Variants in RAB6A observed in about 807,000 individuals in gnomAD.
RAB6A encodes the protein ras-related protein Rab-6A.
In RAB6A, 8 loss-of-function variants were observed where a neutral mutation model predicts 32.3. The observed-to-expected ratio is 0.25, with a 90% CI of 0.15 to 0.45. The LOEUF (loss-of-function observed/expected upper bound fraction) is 0.45, where lower values mean the gene tolerates loss of function less well. RAB6A is among the 20% of genes least tolerant of loss of function. The probability of loss-of-function intolerance (pLI) is 1.00; values close to 1 mark genes in which losing one functional copy is unlikely to be tolerated. For missense variants in RAB6A, 104 were observed against 249.4 expected, an observed-to-expected ratio of 0.42 and a Z score of 3.93; for synonymous variants, 73 against 82.1, an observed-to-expected ratio of 0.89 and a Z score of 0.60.
At chr11:73,686,537 A>G (rs1212807307) in intron 6 of RAB6A, among the ~76,000 whole-genome samples, 1 of 152,146 alleles carries the variant, frequency 6.6e-6, no homozygotes, top group African/African-American at 2.4e-5. Context: ...CCTAGATGAC[A>G]GAGTGAGACT....
At chr11:73,727,029 G>C (rs1946234014) in intron 2 of RAB6A, among the ~76,000 whole-genome samples, 1 of 152,146 alleles carries the variant, frequency 6.6e-6, no homozygotes, top group Admixed American at 6.6e-5. Flanking sequence ...ATGCTGACAG[G>C]TTATAATGAA....
At chr11:73,756,345 C>A (rs781600652) in intron 1 of RAB6A, among the ~76,000 whole-genome samples, 4 of 152,086 alleles carry the variant, frequency 2.6e-5, no homozygotes, top group Non-Finnish European at 5.9e-5. Context: ...CAGAGGTAGA[C>A]CCCGTCTCAA....
chr11:73,710,037 C>T (rs1945925259), intron 5 of RAB6A, among the ~76,000 whole-genome samples: 1 of 148,838 alleles, frequency 6.7e-6, no homozygotes, highest in Non-Finnish European at 1.5e-5. Flanking sequence ...CGGCTCACTG[C>T]AAGCTCCACC....
In RAB6A at chr11:73,679,703, T is replaced by A. The variant is rs1257277405; in HGVS notation, c.513A>T (p.Ala171=). 6.2e-7 allele frequency: 1 copy of A among 1,609,284 alleles called. No homozygotes were observed. Among genetic ancestry groups the A allele is most frequent in the African/African-American group, 1.3e-5 (1 of 74,480 alleles). ...TGCTTTCCATTCCCGGCAAAGCTGC[T>A]GCTACACGTCGAAAGAGCTGTGGGA... The part of the protein sequence containing the change: ...YNVKQLFRRV[A]AALPGMESTQ... The change falls in exon 7 of 8, where the codon GCA becomes GCT. Residue 171 remains alanine, a synonymous_variant. Transcript: ENST00000336083.
At chr11:73,699,483 C>CT (rs1171731489) in intron 6 of RAB6A, among the ~76,000 whole-genome samples, 1 of 151,676 alleles carries the variant, frequency 6.6e-6, no homozygotes, top group Non-Finnish European at 1.5e-5. Flanking sequence ...CAAGTTTTCC[C>CT]TTTTTTGCCA....
intron 1 of RAB6A, among the ~76,000 whole-genome samples, chr11:73,736,821 A>AAC (rs1555066475): frequency 2.1e-5 from 3 of 145,022 alleles, no homozygotes; most frequent in Non-Finnish European, 4.5e-5. Context: ...AAAAAAAAAA[A>AAC]AAAAACAATT....
In RAB6A at chr11:73,718,618, A is replaced by G. The variant is rs769442186; in HGVS notation, c.284T>C (p.Ile95Thr). Residue 95 changes from isoleucine to threonine, a missense_variant, in exon 4 of 8, where the codon ATC becomes ACC. By Grantham distance (89) the Ile-to-Thr change is moderately conservative (BLOSUM62 -1). This residue lies in a region of RAB6A where 48 missense variants were observed against 155.2 expected (regional missense o/e 0.31). Transcript: ENST00000336083. ...GCATAATTCCCTCCACTCACTTGTG[A>G]TATCATAAACAACAACTGCCACAGT... ...DSTVAVVVYD[I>T]TNVNSFQQTT... The G allele has an allele frequency of 2.5e-6, 4 of 1,611,574 alleles. No individual in the cohort carries two copies. The highest frequency in any genetic ancestry group is 3.4e-6 in the Non-Finnish European group (4 of 1,178,484).
chr11:73,716,886 C>T (rs897087884), intron 4 of RAB6A, among the ~76,000 whole-genome samples: 1 of 152,198 alleles, frequency 6.6e-6, no homozygotes, highest in East Asian at 1.9e-4. Context: ...TTTAATGCAT[C>T]AGAAACACTT....
At chr11:73,721,285 C>A (rs1222997828) in intron 2 of RAB6A, among the ~76,000 whole-genome samples, 4 of 152,116 alleles carry the variant, frequency 2.6e-5, no homozygotes, top group Non-Finnish European at 1.5e-5. Context: ...AGTATCTGCC[C>A]CAAGAGCAGT....
intron 1 of RAB6A, among the ~76,000 whole-genome samples, chr11:73,738,904 ACTGCACTCCAGCTTGGG>A (rs1946444572): frequency 6.6e-6 from 1 of 151,970 alleles, no homozygotes; most frequent in Admixed American, 6.6e-5. Context: ...AGACTGCGCC[ACTGCACTCCAGCTTGGG>A]CAACAGAGTG....
intron 2 of RAB6A, among the ~76,000 whole-genome samples, chr11:73,728,752 G>A (rs1340016036): frequency 1.3e-5 from 2 of 151,678 alleles, no homozygotes; most frequent in African/African-American, 4.8e-5. Flanking sequence ...GGGGATATTG[G>A]TCTGTAGTTT....
chr11:73,723,890 T>C (rs549712783), intron 2 of RAB6A, among the ~76,000 whole-genome samples: 1 of 152,296 alleles, frequency 6.6e-6, no homozygotes, highest in East Asian at 1.9e-4. Context: ...AAAATGACTC[T>C]CACCACTCCT....
At chr11:73,757,691 G>C (rs535280712) in intron 1 of RAB6A, among the ~76,000 whole-genome samples, 2 of 152,200 alleles carry the variant, frequency 1.3e-5, no homozygotes, top group Non-Finnish European at 2.9e-5. Context: ...CTAAACGATT[G>C]GTTTCTCTAC....
intron 6 of RAB6A, among the ~76,000 whole-genome samples, chr11:73,694,336 T>C (rs1215114296): frequency 6.6e-6 from 1 of 152,220 alleles, no homozygotes; most frequent in Non-Finnish European, 1.5e-5. Flanking sequence ...TAACCCCATT[T>C]TAAACAAATC....
chr11:73,699,561 C>T (rs535784420), intron 6 of RAB6A, among the ~76,000 whole-genome samples: 2 of 152,326 alleles, frequency 1.3e-5, no homozygotes, highest in South Asian at 2.1e-4. Flanking sequence ...TGAGCCACTG[C>T]GCCTGGCCTT....
chr11:73,735,152 G>A (rs775610923), intron 1 of RAB6A, among the ~76,000 whole-genome samples: 1 of 152,136 alleles, frequency 6.6e-6, no homozygotes, highest in Non-Finnish European at 1.5e-5. Context: ...TCTGCACCAT[G>A]CTAATTACAC....
intron 1 of RAB6A, 143 bp from the exon 2 acceptor site, chr11:73,730,966 C>T (rs1415445347): frequency 1.7e-6 from 1 of 601,668 alleles, no homozygotes; most frequent in Non-Finnish European, 2.9e-6. Context: ...CCATATAGCC[C>T]CAAGATTGTC....
At chr11:73,689,525 C>T (rs149296319) in intron 6 of RAB6A, among the ~76,000 whole-genome samples, 28 of 152,276 alleles carry the variant, frequency 1.8e-4, no homozygotes, top group Non-Finnish European at 3.7e-4. Context: ...TGACCTACAT[C>T]GTAATAACCT....
intron 1 of RAB6A, among the ~76,000 whole-genome samples, chr11:73,751,822 C>A (rs1019819802): frequency 6.6e-6 from 1 of 152,112 alleles, no homozygotes; most frequent in African/African-American, 2.4e-5. Context: ...CTGAGTAATT[C>A]TTCTTCAGGG....
Sources: gnomAD v4.1 joint callset for allele counts (sites outside exome capture counted in the v4.1 genomes callset) on GRCh38, gnomAD v4.1.1 for gene constraint, gnomAD v4.1.1 regional missense constraint, MANE v1.5 for transcripts, NCBI Gene and HGNC (gene_info 2026-07-23, HGNC 2026-07-21) for gene names.